MCC: variants seen among roughly 807,000 people sequenced by gnomAD.
The protein encoded by MCC is colorectal mutant cancer protein.
MCC carries 90 observed loss-of-function variants against 116.2 expected under a neutral mutation model. The observed-to-expected ratio is 0.77, with a 90% CI of 0.65 to 0.92. MCC has a LOEUF of 0.92. Among genes scored for constraint, MCC ranks in the 40% least tolerant of loss-of-function variants. The pLI is 0.00. For synonymous variants in MCC, 578 were observed against 510.5 expected, an observed-to-expected ratio of 1.13 and a Z score of -1.78; for missense variants, 1,516 against 1,312.2, an observed-to-expected ratio of 1.16 and a Z score of -2.40.
intron 3 of MCC, among the ~76,000 whole-genome samples, chr5:113,327,017 A>G (rs982498931): frequency 1.3e-5 from 2 of 152,184 alleles, no homozygotes; most frequent in African/African-American, 4.8e-5. Flanking sequence ...ATGGTTCCTA[A>G]ATTTCAACAT....
rs145120734 is a variant in MCC at position 113,317,298 on chromosome 5, T to C, written c.627+23221A>G. 3.6e-4 allele frequency among the ~76,000 whole-genome samples: 55 copies of C among 152,348 alleles called. 1 individual carries two copies. The highest frequency in any genetic ancestry group is 9.8e-4 in the Admixed American group (15 of 15,304). On this transcript the variant is annotated intron_variant, in intron 3 of 18. Transcript: ENST00000408903. ...AAAAAACTATATTCAAACATCTCCTTTCAGGGAATTGGCCATATGTGAAAT... is the reference window on the plus strand; with the variant it reads ...AAAAAACTATATTCAAACATCTCCTCTCAGGGAATTGGCCATATGTGAAAT...
At chr5:113,076,005 A>T (rs1413801353) in intron 11 of MCC, among the ~76,000 whole-genome samples, 1 of 152,168 alleles carries the variant, frequency 6.6e-6, no homozygotes, top group Non-Finnish European at 1.5e-5. Flanking sequence ...CAAACCCACC[A>T]GAAGGAAGAA....
intron 3 of MCC, among the ~76,000 whole-genome samples, chr5:113,273,700 G>A (rs973597277): frequency 1.5e-4 from 23 of 151,906 alleles, no homozygotes; most frequent in African/African-American, 4.8e-4. Flanking sequence ...AGAATCAGCT[G>A]TACTAAATAA....
At chr5:113,164,237 A>C (rs1298104179) in intron 3 of MCC, among the ~76,000 whole-genome samples, 1 of 152,240 alleles carries the variant, frequency 6.6e-6, no homozygotes, top group African/African-American at 2.4e-5. Context: ...TGTGCTAAAA[A>C]GCTCGGCAAC....
intron 11 of MCC, among the ~76,000 whole-genome samples, chr5:113,081,640 T>C (rs1386384894): frequency 6.6e-6 from 1 of 152,172 alleles, no homozygotes; most frequent in African/African-American, 2.4e-5. Context: ...TGATTCAATT[T>C]TTAAGCACTC....
intron 2 of MCC, among the ~76,000 whole-genome samples, chr5:113,383,408 G>C (rs900673932): frequency 6.6e-6 from 1 of 151,928 alleles, no homozygotes; most frequent in African/African-American, 2.4e-5. Flanking sequence ...GCAAACTTAC[G>C]AATCATGCTT....
intron 4 of MCC, among the ~76,000 whole-genome samples, chr5:113,148,763 G>A (rs905995584): frequency 6.6e-6 from 1 of 152,028 alleles, no homozygotes; most frequent in Non-Finnish European, 1.5e-5. Context: ...TCCAGTATAT[G>A]AACTGGGAAG....
intron 3 of MCC, among the ~76,000 whole-genome samples, chr5:113,216,591 T>C (rs1397364687): frequency 6.6e-6 from 1 of 152,222 alleles, no homozygotes; most frequent in Non-Finnish European, 1.5e-5. Context: ...ACTAGGTAGA[T>C]GAGTGTTTAC....
intron 12 of MCC, among the ~76,000 whole-genome samples, chr5:113,069,389 G>A (rs750436109): frequency 6.6e-6 from 1 of 152,242 alleles, no homozygotes; most frequent in Non-Finnish European, 1.5e-5. Context: ...TGTAGCGTGA[G>A]ACCCACGTGG....
chr5:113,144,792 C>T (rs1759393581), intron 4 of MCC, among the ~76,000 whole-genome samples: 1 of 152,216 alleles, frequency 6.6e-6, no homozygotes, highest in Non-Finnish European at 1.5e-5. Flanking sequence ...TGCTTTATCA[C>T]AGCCTTAGAG....
chr5:113,422,908 A>T (rs1353919080), intron 1 of MCC, among the ~76,000 whole-genome samples: 1 of 152,228 alleles, frequency 6.6e-6, no homozygotes, highest in Non-Finnish European at 1.5e-5. Flanking sequence ...ATAAAAGAAT[A>T]AAAAAGCACA....
At chr5:113,286,497 TG>T (rs1359909833) in intron 3 of MCC, among the ~76,000 whole-genome samples, 3 of 152,216 alleles carry the variant, frequency 2.0e-5, no homozygotes, top group Non-Finnish European at 4.4e-5. Context: ...CCATAGATTT[TG>T]GTTTAAGATG....
At chr5:113,317,103 AG>A (rs1387764880) in intron 3 of MCC, among the ~76,000 whole-genome samples, 1 of 152,228 alleles carries the variant, frequency 6.6e-6, no homozygotes, top group African/African-American at 2.4e-5. Context: ...ATAAAAGGTG[AG>A]GGTTTTCCTT....
At chr5:113,189,991 G>A (rs1762075855) in intron 3 of MCC, among the ~76,000 whole-genome samples, 1 of 152,156 alleles carries the variant, frequency 6.6e-6, no homozygotes, top group Admixed American at 6.5e-5. Context: ...GGACCACTCA[G>A]GGGCCTGTGT....
intron 8 of MCC, among the ~76,000 whole-genome samples, chr5:113,100,944 C>A (rs1756369871): frequency 1.3e-5 from 2 of 152,154 alleles, no homozygotes; most frequent in Non-Finnish European, 2.9e-5. Context: ...TTGCTTCACC[C>A]CCAGTCCAAT....
Position 113,392,989 on chromosome 5 carries a change from A to G in MCC, c.171-7777T>C, listed in dbSNP as rs1477241022. ...AAAACAGTAGTGAGTAAAGACATCA[A>G]GTTGAAGAATGACATAAACAATATG... On this transcript the variant is annotated intron_variant, in intron 1 of 18. Transcript: ENST00000408903. 5.3e-5 allele frequency among the ~76,000 whole-genome samples: 8 copies of G among 152,236 alleles called. No homozygotes were observed. In the East Asian group the frequency reaches 1.2e-3, roughly 22 times the overall value.
rs576996966 is a variant in MCC at position 113,261,745 on chromosome 5, T to C, written c.627+78774A>G. Among the ~76,000 whole-genome samples, 267 of 152,296 alleles carry C rather than the reference T, an allele frequency of 1.8e-3. 1 individual carries two copies. Among genetic ancestry groups the C allele is most frequent in the Non-Finnish European group, 2.3e-3 (157 of 68,024 alleles). On this transcript the variant is annotated intron_variant, in intron 3 of 18. Coordinates refer to ENST00000408903, the MANE Select transcript of MCC (RefSeq NM_001085377.2). ...ATGGAAGAAATGAAACCCAGTCTTT[T>C]GGCAGACAGGGTATAAAGAAGCATG...
chr5:113,456,782 CT>C (rs111791676), intron 1 of MCC, among the ~76,000 whole-genome samples: 148 of 146,604 alleles, frequency 1.0e-3, no homozygotes, highest in African/African-American at 1.5e-3. Flanking sequence ...ATGAGCACTA[CT>C]TTTTTTTTTT....
chr5:113,189,615 G>A (rs1395483012), intron 3 of MCC, among the ~76,000 whole-genome samples: 2 of 152,106 alleles, frequency 1.3e-5, no homozygotes, highest in African/African-American at 2.4e-5. Flanking sequence ...ATAGTCACAC[G>A]ATACAGAATA....
Sources: gnomAD v4.1 joint callset for allele counts (sites outside exome capture counted in the v4.1 genomes callset) on GRCh38, gnomAD v4.1.1 for gene constraint, MANE v1.5 for transcripts, NCBI Gene and HGNC (gene_info 2026-07-23, HGNC 2026-07-21) for gene names.